The following GLI2 variants were observed in gnomAD, a reference collection of about 807,000 sequenced individuals.
GLI2 encodes GLI family zinc finger 2.
Under a neutral mutation model 78.9 loss-of-function variants are expected in GLI2, and 22 were observed. The ratio of observed to expected loss-of-function variants is 0.28; its 90% CI spans 0.20 to 0.40. The LOEUF (loss-of-function observed/expected upper bound fraction) is 0.40. Ranked by LOEUF, GLI2 falls within the 10% of genes least tolerant of loss-of-function variation. The pLI, the probability that GLI2 is intolerant of heterozygous loss-of-function variation, is 1.00. For missense variants in GLI2, 2,097 were observed against 2,213.2 expected (o/e 0.95, Z 1.05); for synonymous variants, 974 against 963.7 (o/e 1.01, Z -0.20).
intron 2 of GLI2, among the ~76,000 whole-genome samples, chr2:120,820,495 C>T (rs895487): frequency 0.45 from 68,731 of 152,034 alleles, 15,799 homozygotes; most frequent in South Asian, 0.52. Context: ...CAGGAGGAGG[C>T]GGAGAGCTGC....
chr2:120,818,549 T>A (rs2310894), intron 2 of GLI2, among the ~76,000 whole-genome samples: 150,858 of 152,324 alleles, frequency 0.99, 74,710 homozygotes, highest in Middle Eastern at 1. Context: ...TGGGCACTAC[T>A]GGAAGGAAGC....
intron 2 of GLI2, among the ~76,000 whole-genome samples, chr2:120,895,179 G>A (rs1378805519): frequency 6.6e-6 from 1 of 152,190 alleles, no homozygotes; most frequent in African/African-American, 2.4e-5. Context: ...AGCGTTTGCA[G>A]CCAGCAATTC....
chr2:120,821,585 G>C (rs1685779243), intron 2 of GLI2, among the ~76,000 whole-genome samples: 1 of 152,158 alleles, frequency 6.6e-6, no homozygotes, highest in South Asian at 2.1e-4. Flanking sequence ...GAGGGGACCT[G>C]CACTCTCAGT....
intron 1 of GLI2, among the ~76,000 whole-genome samples, chr2:120,766,057 C>T (rs1431140094): frequency 6.6e-6 from 1 of 152,184 alleles, no homozygotes; most frequent in Non-Finnish European, 1.5e-5. Flanking sequence ...GCCCAGCTCC[C>T]CTCTCGCGTG....
At chr2:120,880,923 T>A (rs549670461) in intron 2 of GLI2, among the ~76,000 whole-genome samples, 1 of 152,284 alleles carries the variant, frequency 6.6e-6, no homozygotes, top group South Asian at 2.1e-4. Flanking sequence ...TATCCCCCCC[T>A]GCCCCCACCA....
chr2:120,794,458 A>G (rs1684291603), intron 1 of GLI2, among the ~76,000 whole-genome samples: 2 of 152,162 alleles, frequency 1.3e-5, no homozygotes, highest in African/African-American at 4.8e-5. Flanking sequence ...TTCTGGGAAG[A>G]TGCCTGGCTG....
intron 2 of GLI2, among the ~76,000 whole-genome samples, chr2:120,823,985 G>T (rs111237539): frequency 6.6e-6 from 1 of 152,184 alleles, no homozygotes; most frequent in Non-Finnish European, 1.5e-5. Context: ...GGGCATAAAG[G>T]CAGTTCATTA....
intron 6 of GLI2, 31 bp from the exon 7 acceptor site, chr2:120,970,361 AC>A (rs774143395): frequency 5.8e-6 from 4 of 686,632 alleles, no homozygotes; most frequent in South Asian, 4.1e-5. Flanking sequence ...CCGATCCCCC[AC>A]CCCCACTTCC....
At chr2:120,790,929 G>T (rs1684136381) in intron 1 of GLI2, among the ~76,000 whole-genome samples, 1 of 152,176 alleles carries the variant, frequency 6.6e-6, no homozygotes, top group East Asian at 1.9e-4. Flanking sequence ...GGGAGAAGCT[G>T]CCCATGTGGG....
intron 1 of GLI2, among the ~76,000 whole-genome samples, chr2:120,785,947 G>A (rs2104676552): frequency 6.6e-6 from 1 of 152,338 alleles, no homozygotes; most frequent in South Asian, 2.1e-4. Flanking sequence ...CTGCTTGGGG[G>A]CTGAGCTGCC....
chr2:120,854,099 T>TG (rs1687534512), intron 2 of GLI2, among the ~76,000 whole-genome samples: 1 of 151,920 alleles, frequency 6.6e-6, no homozygotes, highest in Admixed American at 6.6e-5. Flanking sequence ...CACATTCTGG[T>TG]GGAAAAAAAC....
chr2:120,812,066 G>C (rs1346670743), intron 2 of GLI2, among the ~76,000 whole-genome samples: 1 of 152,178 alleles, frequency 6.6e-6, no homozygotes, highest in African/African-American at 2.4e-5. Flanking sequence ...GGAGAGATGG[G>C]GGATCGGCGG....
At chr2:120,881,036 T>C (rs1677085639) in intron 2 of GLI2, among the ~76,000 whole-genome samples, 1 of 152,220 alleles carries the variant, frequency 6.6e-6, no homozygotes, top group South Asian at 2.1e-4. Context: ...TTTCTGAATC[T>C]GTAAAATGGG....
At chr2:120,949,166 C>A (rs182425278) in intron 3 of GLI2, among the ~76,000 whole-genome samples, 5 of 152,326 alleles carry the variant, frequency 3.3e-5, no homozygotes, top group Non-Finnish European at 5.9e-5. Flanking sequence ...TCTGGTCCCA[C>A]TTCTCCTCTC....
At chr2:120,937,371 A>G (rs1680248035) in intron 3 of GLI2, among the ~76,000 whole-genome samples, 1 of 152,122 alleles carries the variant, frequency 6.6e-6, no homozygotes, top group Admixed American at 6.6e-5. Flanking sequence ...TGCACCCACT[A>G]ATTTCTCAAA....
intron 1 of GLI2, among the ~76,000 whole-genome samples, chr2:120,794,058 G>A (rs565964825): frequency 5.1e-4 from 77 of 152,358 alleles, no homozygotes; most frequent in African/African-American, 1.8e-3. Flanking sequence ...TTACCAGCTT[G>A]AGCTGGGCCT....
At chr2:120,988,181 G>C (rs766740382) in intron 13 of GLI2, 27 bp from the exon 14 acceptor site, 1 of 1,572,094 alleles carries the variant, frequency 6.4e-7, no homozygotes, top group African/African-American at 1.4e-5. Flanking sequence ...CCCTTGTCCC[G>C]GTGCTGACCC....
rs151069458 is a variant in GLI2, at chr2:120,815,382, G to A, written c.148+17914G>A. On this transcript the variant is annotated intron_variant, in intron 2 of 13. Coordinates refer to ENST00000361492, the MANE Select transcript of GLI2 (RefSeq NM_001374353.1). The stretch of plus-strand genomic sequence containing the variant: ...TGCAAATCACCTGTGGGCTGCAGAC[G>A]ATTCTGCCCAAAAGTTGGGGGCGGA... Among the ~76,000 whole-genome samples, 14 of 152,278 alleles carry A rather than the reference G, an allele frequency of 9.2e-5. No individual in the cohort carries two copies. The East Asian group carries it at 2.7e-3, about 29-fold the overall frequency.
At chr2:120,817,910 C>T (rs929894161) in intron 2 of GLI2, among the ~76,000 whole-genome samples, 5 of 152,232 alleles carry the variant, frequency 3.3e-5, no homozygotes, top group Non-Finnish European at 7.3e-5. Context: ...TGGATCCGCA[C>T]GGGACCTTCT....
Sources: gnomAD v4.1 joint callset for allele counts (sites outside exome capture counted in the v4.1 genomes callset) on GRCh38, gnomAD v4.1.1 for gene constraint, MANE v1.5 for transcripts, NCBI Gene and HGNC (gene_info 2026-07-23, HGNC 2026-07-21) for gene names.